PGBD1: variants seen among roughly 807,000 people sequenced by gnomAD.
The protein encoded by PGBD1 is piggyBac transposable element derived 1.
Under a neutral mutation model 34.7 loss-of-function variants are expected in PGBD1, and 25 were observed. The ratio of observed to expected loss-of-function variants is 0.72; its 90% confidence interval spans 0.52 to 1.00. The LOEUF (loss-of-function observed/expected upper bound fraction) is 1.00. Ranked by LOEUF, PGBD1 falls within the 50% of genes least tolerant of loss-of-function variation. The pLI is 0.00. For synonymous variants in PGBD1, 292 were observed against 335.7 expected, an observed-to-expected ratio of 0.87 and a Z score of 1.42; for missense variants, 830 against 959.4, an observed-to-expected ratio of 0.87 and a Z score of 1.78.
Position 28,302,147 on chromosome 6 carries a change from T to C in PGBD1, c.2293T>C (p.Tyr765His), listed in dbSNP as rs1762868684. The C allele has an allele frequency of 6.2e-7, 1 of 1,614,048 alleles. No homozygotes were observed. The highest frequency in any genetic ancestry group is 8.5e-7 in the Non-Finnish European group (1 of 1,180,028). ...GAAATGGTACTCAATTTTGGTGAGC[T>C]ACATGATTGATGTAGCCATGAACAA... ...SKKWYSILVSYMIDVAMNNAW... is the reference protein window; with the variant it reads ...SKKWYSILVSHMIDVAMNNAW... The change falls in exon 7 of 7, where the codon TAC becomes CAC. Residue 765 changes from tyrosine to histidine, a missense_variant. By Grantham distance (83) the Tyr-to-His change is moderately conservative. Transcript: ENST00000682144.
At chr6:28,297,202 G>C (rs1762671396) in intron 5 of PGBD1, among the ~76,000 whole-genome samples, 1 of 152,014 alleles carries the variant, frequency 6.6e-6, no homozygotes, top group South Asian at 2.1e-4. Flanking sequence ...TTCCTTCAGT[G>C]ACTCCTTTGT....
intron 4 of PGBD1, among the ~76,000 whole-genome samples, chr6:28,290,618 C>G (rs984974830): frequency 3.9e-5 from 6 of 152,178 alleles, no homozygotes; most frequent in African/African-American, 1.4e-4. Flanking sequence ...CTGATATTTA[C>G]TGAACATGTA....
rs1762795509 is a variant in PGBD1 at position 28,300,595 on chromosome 6, T to TA, written c.870-127dup. ...AGCCAAAGTCCTCCCCATGGAAACTTAAGAGAAATAAGTAAGTATCCCCCC... is the reference window on the plus strand; with the variant it reads ...AGCCAAAGTCCTCCCCATGGAAACTTAAAGAGAAATAAGTAAGTATCCCCCC... On this transcript the variant is annotated intron_variant, in intron 6 of 6. Coordinates refer to ENST00000682144, the MANE Select transcript of PGBD1 (RefSeq NM_032507.4). This position sits in a 1 kb window ranked among gnomAD's most constrained non-coding sequence, Gnocchi z 4.0. The TA allele has an allele frequency of 9.2e-7, 1 of 1,087,788 alleles. No individual in the cohort carries two copies. Among genetic ancestry groups the TA allele is most frequent in the African/African-American group, 1.6e-5 (1 of 61,796 alleles). The allele number at this position is 1,087,788 out of a possible 1,614,324, so 67.4% of individuals were successfully genotyped here.
At chr6:28,287,440 T>A (rs1433943128) in intron 4 of PGBD1, among the ~76,000 whole-genome samples, 1 of 152,200 alleles carries the variant, frequency 6.6e-6, no homozygotes, top group African/African-American at 2.4e-5. Flanking sequence ...AGGCTCCTGG[T>A]TTCAGAAAGT....
At chr6:28,297,845 T>TTTTAAAAA in intron 5 of PGBD1, 50 bp from the exon 6 acceptor site, 1 of 283,634 alleles carries the variant, frequency 3.5e-6, no homozygotes, top group Non-Finnish European at 6.6e-6. Flanking sequence ...TTTTTTTTTT[T>TTTTAAAAA]CAAAATTCAC....
At chr6:28,288,305 G>A (rs1419905816) in intron 4 of PGBD1, among the ~76,000 whole-genome samples, 1 of 152,170 alleles carries the variant, frequency 6.6e-6, no homozygotes, top group East Asian at 1.9e-4. Context: ...AGTCCATTTT[G>A]TGTTGCTAAT....
In PGBD1 at chr6:28,283,827, TGC is replaced by T. The variant is rs1561884019; in HGVS notation, c.15_16del (p.Leu5PhefsTer6). ...TCTAAGCTCAACATGTATGAAGCTT[TGC>T]CAGGCCCTGCTCCTGAAAATGAAGA... On this transcript the variant is annotated frameshift_variant, in exon 2 of 7. Transcript: ENST00000682144. LOFTEE classifies it high-confidence loss of function. The T allele has an allele frequency of 6.3e-7, 1 of 1,598,316 alleles. No homozygotes were observed. The highest frequency in any genetic ancestry group is 2.2e-5 in the East Asian group (1 of 44,588).
At chr6:28,298,953 G>A (rs1719994730) in intron 6 of PGBD1, among the ~76,000 whole-genome samples, 1 of 152,094 alleles carries the variant, frequency 6.6e-6, no homozygotes, top group Non-Finnish European at 1.5e-5. Flanking sequence ...GAGCTGAGAA[G>A]GGGGTGTGAA....
intron 4 of PGBD1, among the ~76,000 whole-genome samples, chr6:28,290,741 T>C (rs1407286348): frequency 6.6e-6 from 1 of 152,076 alleles, no homozygotes; most frequent in African/African-American, 2.4e-5. Flanking sequence ...ATAAATCATA[T>C]CAAGTATCTT....
chr6:28,302,256 T>G lies in PGBD1; in HGVS notation c.2402T>G (p.Leu801Trp). Residue 801 changes from leucine to tryptophan, a missense_variant, in exon 7 of 7, where the codon TTG becomes TGG. This residue lies in a region of PGBD1 where 372 missense variants were observed against 427.9 expected (regional missense o/e 0.87). Coordinates refer to ENST00000682144, the MANE Select transcript of PGBD1 (RefSeq NM_032507.4). ...DFRRFVAHFY[L>W]EHNAHLSD is the part of the protein sequence containing the mutation. Reference sequence around the variant, plus strand: ...CGGAGATTTGTTGCACATTTCTACTTGGAACACAATGCTCATCTGTCAGAT... The same window carrying G: ...CGGAGATTTGTTGCACATTTCTACTGGGAACACAATGCTCATCTGTCAGAT... 1 of 1,613,362 alleles carries G rather than the reference T, an allele frequency of 6.2e-7. No homozygotes were observed. Among genetic ancestry groups the G allele is most frequent in the Non-Finnish European group, 8.5e-7 (1 of 1,179,404 alleles).
Position 28,287,052 on chromosome 6 carries a change from T to G in PGBD1, c.554-28T>G, listed in dbSNP as rs1333299770. On this transcript the variant is annotated intron_variant, in intron 3 of 6. Transcript: ENST00000682144. ...TACCCTAAAGGCCATCATGTCTCAT[T>G]TAGGACTCTTGCCCTCTCTCTCTGC... 1.9e-6 allele frequency: 3 copies of G among 1,576,296 alleles called. No individual in the cohort carries two copies. In the African/African-American group the frequency reaches 4.1e-5, roughly 21 times the overall value.
chr6:28,285,477 T>G, intron 2 of PGBD1, 74 bp from the exon 3 acceptor site: 1 of 1,469,248 alleles, frequency 6.8e-7, no homozygotes, highest in Non-Finnish European at 9.2e-7. Flanking sequence ...ATCCCCAGCA[T>G]GTAGAACAGT....
intron 1 of PGBD1, among the ~76,000 whole-genome samples, chr6:28,282,963 A>G (rs1581625910): frequency 6.6e-6 from 1 of 152,372 alleles, no homozygotes; most frequent in East Asian, 1.9e-4. Context: ...ATAAAACTCT[A>G]AACTTAGTGG....
In PGBD1 at chr6:28,297,019, G is replaced by T. The variant is rs1315044542; in HGVS notation, c.772+74G>T. 3.2e-6 allele frequency: 5 copies of T among 1,568,654 alleles called. No homozygotes were observed. In the East Asian group the frequency reaches 1.1e-4, roughly 36 times the overall value. On this transcript the variant is annotated intron_variant, in intron 5 of 6. Transcript: ENST00000682144. ...GTCACTCACCCTGGCTTGGCCCTTG[G>T]GAGGCCACGTTTCCTACAGACCCAC...
At chr6:28,290,423 A>C (rs1012769613) in intron 4 of PGBD1, among the ~76,000 whole-genome samples, 15 of 152,208 alleles carry the variant, frequency 9.9e-5, no homozygotes, top group African/African-American at 3.4e-4. Flanking sequence ...ATACCTATGC[A>C]TGCAACACCA....
rs1259113459 is a variant in PGBD1, at chr6:28,301,621, A to G, written c.1767A>G (p.Glu589=). 1.9e-6 allele frequency: 3 copies of G among 1,614,200 alleles called. No homozygotes were observed. The highest frequency in any genetic ancestry group is 4.5e-5 in the East Asian group (2 of 44,876). The change falls in exon 7 of 7, where the codon GAA becomes GAG. Residue 589 remains glutamate, a synonymous_variant. Coordinates refer to ENST00000682144, the MANE Select transcript of PGBD1 (RefSeq NM_032507.4). ...TTTGGTTTGAACCCTATCAAGAAGAATCAACTATGAAGGTAGATGAGGATC... is the reference window on the plus strand; with the variant it reads ...TTTGGTTTGAACCCTATCAAGAAGAGTCAACTATGAAGGTAGATGAGGATC... ...YLVWFEPYQE[E]STMKVDEDPD...
intron 4 of PGBD1, among the ~76,000 whole-genome samples, chr6:28,288,816 C>T (rs181496411): frequency 2.8e-3 from 427 of 151,950 alleles, no homozygotes; most frequent in African/African-American, 7.1e-3. Context: ...GGCAAAACCC[C>T]GTCTCTACTA....
chr6:28,300,879 G>A lies in PGBD1; in HGVS notation c.1025G>A (p.Gly342Glu). The change falls in exon 7 of 7, where the codon GGG (glycine) becomes GAG (glutamate). Residue 342 changes from glycine to glutamate, a missense_variant. Physicochemically the swap from Gly to Glu is moderately conservative, Grantham distance 98 (BLOSUM62 -2). Coordinates refer to ENST00000682144, the MANE Select transcript of PGBD1 (RefSeq NM_032507.4). The surrounding 1 kb of genome is among the most constrained non-coding windows in gnomAD (Gnocchi z 4.0). ...GCTGCAGGAGACATTACCCGAAAAG[G>A]GAGAAAAAAAGACAAAGCTCGAGTG... ...EYAAGDITRK[G>E]RKKDKARVSE... 6.2e-7 allele frequency: 1 copy of A among 1,613,990 alleles called. No homozygotes were observed. The highest frequency in any genetic ancestry group is 8.5e-7 in the Non-Finnish European group (1 of 1,179,978).
At chr6:28,298,624 T>C (rs956778500) in intron 6 of PGBD1, among the ~76,000 whole-genome samples, 5 of 152,092 alleles carry the variant, frequency 3.3e-5, no homozygotes, top group South Asian at 2.1e-4. Context: ...TCAACCGCCA[T>C]TGGGAGACCT....
Sources: gnomAD v4.1 joint callset for allele counts (sites outside exome capture counted in the v4.1 genomes callset) on GRCh38, gnomAD v4.1.1 for gene constraint, gnomAD v4.1.1 regional missense constraint, Gnocchi (gnomAD v3.1) non-coding constraint, MANE v1.5 for transcripts, NCBI Gene and HGNC (gene_info 2026-07-23, HGNC 2026-07-21) for gene names.